The following CSMD3 variants were observed in gnomAD, a reference collection of about 807,000 sequenced individuals.
CSMD3 encodes CUB and sushi domain-containing protein 3.
Under a neutral mutation model 435.2 loss-of-function variants are expected in CSMD3, and 177 were observed. That is an observed-to-expected ratio of 0.41 (90% confidence interval 0.36 to 0.46). The LOEUF (loss-of-function observed/expected upper bound fraction) is 0.46, where lower values mean the gene tolerates loss of function less well. Among genes scored for constraint, CSMD3 ranks in the 20% least tolerant of loss-of-function variants. CSMD3 has a pLI of 0.34. For missense variants in CSMD3, 4,265 were observed against 4,504.6 expected (o/e 0.95, Z 1.52); for synonymous variants, 1,656 against 1,520.5 (o/e 1.09, Z -2.07).
chr8:112,627,877 GA>G (rs1834621071), intron 22 of CSMD3, among the ~76,000 whole-genome samples: 1 of 152,138 alleles, frequency 6.6e-6, no homozygotes, highest in Admixed American at 6.6e-5. Context: ...CAGACACACA[GA>G]AAGTATAAAG....
intron 13 of CSMD3, among the ~76,000 whole-genome samples, chr8:112,703,994 T>C (rs935245745): frequency 6.6e-6 from 1 of 152,116 alleles, no homozygotes; most frequent in Non-Finnish European, 1.5e-5. Flanking sequence ...AATAAAAATA[T>C]GCAAAATTTA....
intron 22 of CSMD3, among the ~76,000 whole-genome samples, chr8:112,594,615 T>C (rs181264892): frequency 0.027 from 4,072 of 152,234 alleles, 88 homozygotes; most frequent in South Asian, 0.066. Flanking sequence ...AATGTCCCCG[T>C]CTGACAGCTT....
intron 27 of CSMD3, among the ~76,000 whole-genome samples, chr8:112,535,027 A>C (rs1825923181): frequency 6.6e-6 from 1 of 152,200 alleles, no homozygotes; most frequent in Admixed American, 6.5e-5. Context: ...GATGGGACAT[A>C]TCTCAAAATA....
intron 38 of CSMD3, among the ~76,000 whole-genome samples, chr8:112,356,880 C>T (rs1419644187): frequency 1.3e-5 from 2 of 152,118 alleles, no homozygotes; most frequent in Non-Finnish European, 2.9e-5. Context: ...TCCAATTAAA[C>T]CTCTTTCTTT....
At chr8:112,346,571 C>T (rs1036965031) in intron 40 of CSMD3, among the ~76,000 whole-genome samples, 1 of 151,878 alleles carries the variant, frequency 6.6e-6, no homozygotes, top group Non-Finnish European at 1.5e-5. Context: ...TTGAATCATC[C>T]CAAAGACGAT....
intron 47 of CSMD3, among the ~76,000 whole-genome samples, chr8:112,316,173 T>A (rs1211753433): frequency 6.6e-6 from 1 of 151,792 alleles, no homozygotes; most frequent in African/African-American, 2.4e-5. Flanking sequence ...GACTATATAA[T>A]AGAGTTTAAA....
At chr8:112,553,932 A>G (rs1367172403) in intron 25 of CSMD3, among the ~76,000 whole-genome samples, 2 of 151,944 alleles carry the variant, frequency 1.3e-5, no homozygotes, top group Non-Finnish European at 2.9e-5. Flanking sequence ...TTAATTAACT[A>G]TTTTATAGGT....
At chr8:112,540,891 T>A (rs1826601204) in intron 27 of CSMD3, among the ~76,000 whole-genome samples, 1 of 152,180 alleles carries the variant, frequency 6.6e-6, no homozygotes, top group African/African-American at 2.4e-5. Context: ...GAATTTATTT[T>A]ATATTTCAAA....
intron 32 of CSMD3, among the ~76,000 whole-genome samples, chr8:112,416,649 A>T (rs1273898870): frequency 1.3e-5 from 2 of 152,248 alleles, no homozygotes; most frequent in Admixed American, 1.3e-4. Context: ...ATAATGAAAC[A>T]AATATGGACA....
At chr8:113,434,604 T>G (rs1304588737) in intron 1 of CSMD3, among the ~76,000 whole-genome samples, 1 of 152,132 alleles carries the variant, frequency 6.6e-6, no homozygotes, top group Non-Finnish European at 1.5e-5. Flanking sequence ...GACAATAACT[T>G]TATTGACATT....
intron 4 of CSMD3, among the ~76,000 whole-genome samples, chr8:113,162,901 C>T (rs377139583): frequency 6.6e-6 from 1 of 152,050 alleles, no homozygotes; most frequent in South Asian, 2.1e-4. Context: ...CTTCACACCA[C>T]GTTAAAATTT....
At chr8:113,018,207 G>A (rs1192791558) in intron 6 of CSMD3, among the ~76,000 whole-genome samples, 1 of 151,962 alleles carries the variant, frequency 6.6e-6, no homozygotes, top group Non-Finnish European at 1.5e-5. Flanking sequence ...GAGGTTACTG[G>A]TTTTCAAAAT....
At chr8:112,706,086 T>G (rs1218068274) in intron 13 of CSMD3, among the ~76,000 whole-genome samples, 1 of 152,072 alleles carries the variant, frequency 6.6e-6, no homozygotes, top group Admixed American at 6.6e-5. Context: ...CTCAGATATA[T>G]GCTCAAGGGC....
intron 4 of CSMD3, among the ~76,000 whole-genome samples, chr8:113,164,215 T>C (rs1295569592): frequency 6.6e-6 from 1 of 151,982 alleles, no homozygotes; most frequent in South Asian, 2.1e-4. Flanking sequence ...TCTTTTATTA[T>C]AGTTTGCCTT....
In CSMD3 at chr8:113,071,492, C is replaced by T. The variant is rs570202930; in HGVS notation, c.917+27264G>A. 2.2e-4 allele frequency among the ~76,000 whole-genome samples: 33 copies of T among 151,866 alleles called. No homozygotes were observed. The East Asian group carries it at 4.6e-3, about 21-fold the overall frequency. On this transcript the variant is annotated intron_variant, in intron 5 of 70. Transcript: ENST00000297405. ...TTAATACATTTTGAGTTGATATTTG[C>T]ATATGGTGTGAGATAAGGATCCAAT...
At chr8:113,435,027 C>A (rs558616508) in intron 1 of CSMD3, among the ~76,000 whole-genome samples, 1 of 152,372 alleles carries the variant, frequency 6.6e-6, no homozygotes, top group African/African-American at 2.4e-5. Context: ...ACGCGAAGCG[C>A]GCGTCTAGCA....
At chr8:113,133,906 A>T (rs959304818) in intron 4 of CSMD3, among the ~76,000 whole-genome samples, 9 of 152,072 alleles carry the variant, frequency 5.9e-5, no homozygotes, top group Non-Finnish European at 1.2e-4. Context: ...AGAGGGGGTA[A>T]AGAGGAGTTG....
intron 18 of CSMD3, among the ~76,000 whole-genome samples, chr8:112,655,734 T>A (rs1017968462): frequency 6.6e-6 from 1 of 152,026 alleles, no homozygotes; most frequent in African/African-American, 2.4e-5. Flanking sequence ...AATTAAATAT[T>A]TTAAATGGAA....
intron 4 of CSMD3, among the ~76,000 whole-genome samples, chr8:113,121,135 AT>A (rs1373354780): frequency 6.6e-6 from 1 of 152,054 alleles, no homozygotes; most frequent in East Asian, 1.9e-4. Context: ...GTGTGCTAAT[AT>A]TTTATTAGAG....
Sources: allele counts gnomAD v4.1 joint callset (sites outside exome capture counted in the v4.1 genomes callset), GRCh38; gene constraint gnomAD v4.1.1; transcripts MANE v1.5; gene names NCBI Gene and HGNC (gene_info 2026-07-23, HGNC 2026-07-21).